Variants in DLGAP2 observed in about 807,000 individuals in gnomAD.
DLGAP2 encodes the protein disks large-associated protein 2.
In DLGAP2, 26 loss-of-function variants were observed where a neutral mutation model predicts 100.3. The observed-to-expected ratio is 0.26, with a 90% CI of 0.19 to 0.36. The LOEUF (loss-of-function observed/expected upper bound fraction) is 0.36, where lower values mean the gene tolerates loss of function less well. Ranked by LOEUF, DLGAP2 falls within the 10% of genes least tolerant of loss-of-function variation. The pLI is 1.00. For synonymous variants in DLGAP2, 886 were observed against 630.1 expected (o/e 1.41, Z -6.08); for missense variants, 1,858 against 1,453.2 (o/e 1.28, Z -4.53).
intron 6 of DLGAP2, among the ~76,000 whole-genome samples, chr8:1,568,137 T>A (rs1206791871): frequency 2.1e-5 from 3 of 143,350 alleles, no homozygotes; most frequent in African/African-American, 8.0e-5. Context: ...CAGACACAAA[T>A]CCACTCTGCC....
chr8:1,362,143 C>G (rs531757993), intron 3 of DLGAP2, among the ~76,000 whole-genome samples: 1 of 152,280 alleles, frequency 6.6e-6, no homozygotes, highest in South Asian at 2.1e-4. Flanking sequence ...TCTGAGCCTT[C>G]TGAGGCATCC....
At chr8:1,066,351 G>A (rs114820269) in intron 2 of DLGAP2, among the ~76,000 whole-genome samples, 4 of 150,022 alleles carry the variant, frequency 2.7e-5, no homozygotes, top group African/African-American at 9.9e-5. Context: ...TCCTCACCAC[G>A]GTCAGGTCTG....
chr8:1,460,133 C>T (rs1466158200), intron 3 of DLGAP2, among the ~76,000 whole-genome samples: 3 of 152,158 alleles, frequency 2.0e-5, no homozygotes, highest in African/African-American at 7.2e-5. Flanking sequence ...TCTGCGGCCC[C>T]GGGCTTCTGT....
intron 2 of DLGAP2, among the ~76,000 whole-genome samples, chr8:1,215,232 A>G (rs1798190250): frequency 6.6e-6 from 1 of 152,228 alleles, no homozygotes. Flanking sequence ...AAGATAAAGA[A>G]TTTGTGAGTA....
chr8:1,147,249 T>C (rs1796624654), intron 2 of DLGAP2, among the ~76,000 whole-genome samples: 1 of 152,168 alleles, frequency 6.6e-6, no homozygotes, highest in African/African-American at 2.4e-5. Context: ...TTGTAAACTT[T>C]ATGTGCGTCA....
chr8:1,314,723 G>A lies in DLGAP2; in HGVS notation c.106+55840G>A, dbSNP rs1335446087. Among the ~76,000 whole-genome samples the A allele has an allele frequency of 2.0e-5, 3 of 152,210 alleles. 1 individual carries two copies. Among genetic ancestry groups the A allele is most frequent in the Admixed American group, 2.0e-4 (3 of 15,284 alleles). Reference sequence around the variant, plus strand: ...CCACCCCTATCCGCCTCCTGCTCCGGAGGTCGAGGACTTTCGGGGGTCTCC... The same window carrying A: ...CCACCCCTATCCGCCTCCTGCTCCGAAGGTCGAGGACTTTCGGGGGTCTCC... On this transcript the variant is annotated intron_variant, in intron 3 of 14. Transcript: ENST00000637795.
chr8:1,041,698 G>A (rs1249228094), intron 2 of DLGAP2, among the ~76,000 whole-genome samples: 1 of 98,128 alleles, frequency 1.0e-5, no homozygotes. Context: ...TGTTCTCCGA[G>A]CCCCTTGCCG....
At chr8:895,058 G>C (rs536376365) in intron 1 of DLGAP2, among the ~76,000 whole-genome samples, 17 of 150,622 alleles carry the variant, frequency 1.1e-4, no homozygotes, top group Admixed American at 9.3e-4. Flanking sequence ...GGTGGGTGTG[G>C]GGAGTCAGCT....
At chr8:1,521,838 A>G (rs540399206) in intron 4 of DLGAP2, among the ~76,000 whole-genome samples, 45 of 133,944 alleles carry the variant, frequency 3.4e-4, no homozygotes, top group African/African-American at 1.3e-3. Context: ...AATTTGGAAT[A>G]CTCGGGGGCA....
chr8:1,316,703 T>C (rs71516186), intron 3 of DLGAP2, among the ~76,000 whole-genome samples: 18,144 of 127,144 alleles, frequency 0.14, 1,940 homozygotes, highest in East Asian at 0.21. Context: ...GTGAGTGCAG[T>C]GTCTATCCCA....
At chr8:986,146 C>A (rs1404135709) in intron 2 of DLGAP2, among the ~76,000 whole-genome samples, 2 of 151,870 alleles carry the variant, frequency 1.3e-5, no homozygotes, top group African/African-American at 4.8e-5. Flanking sequence ...TCATAGCTCA[C>A]TTATTAGTAG....
intron 3 of DLGAP2, among the ~76,000 whole-genome samples, chr8:1,303,686 G>A (rs1047624957): frequency 5.3e-5 from 8 of 152,134 alleles, no homozygotes; most frequent in African/African-American, 1.9e-4. Flanking sequence ...GAAGCCCTAA[G>A]GCCCAGGGTC....
At chr8:940,593 A>G (rs1799173161) in intron 2 of DLGAP2, among the ~76,000 whole-genome samples, 1 of 152,114 alleles carries the variant, frequency 6.6e-6, no homozygotes, top group Non-Finnish European at 1.5e-5. Context: ...GGCTCTGGCA[A>G]CAGCTGGGGA....
At chr8:1,227,644 C>T (rs539948194) in intron 2 of DLGAP2, among the ~76,000 whole-genome samples, 120 of 151,866 alleles carry the variant, frequency 7.9e-4, no homozygotes, top group African/African-American at 2.8e-3. Context: ...ACCTGGAGGC[C>T]GTTATGCTAA....
At chr8:1,011,185 C>T (rs367614232) in intron 2 of DLGAP2, among the ~76,000 whole-genome samples, 1 of 150,698 alleles carries the variant, frequency 6.6e-6, no homozygotes, top group African/African-American at 2.5e-5. Flanking sequence ...ACAGTGAGCC[C>T]TGGAATGAGG....
intron 3 of DLGAP2, among the ~76,000 whole-genome samples, chr8:1,363,371 T>C (rs1260155991): frequency 1.3e-5 from 2 of 151,856 alleles, no homozygotes; most frequent in African/African-American, 2.4e-5. Flanking sequence ...CGGTCCCACG[T>C]CCGTGGCACA....
chr8:1,039,781 G>T (rs1417306134), intron 2 of DLGAP2, among the ~76,000 whole-genome samples: 8 of 142,738 alleles, frequency 5.6e-5, no homozygotes, highest in Non-Finnish European at 9.1e-5. Context: ...TGGTTGGCTC[G>T]GTATGCATGT....
intron 4 of DLGAP2, among the ~76,000 whole-genome samples, chr8:1,510,950 C>G (rs143679723): frequency 2.0e-5 from 3 of 152,202 alleles, no homozygotes; most frequent in African/African-American, 7.2e-5. Context: ...ATCAATCTGG[C>G]ACATCTCCCT....
intron 2 of DLGAP2, among the ~76,000 whole-genome samples, chr8:958,225 A>T (rs1799639499): frequency 6.6e-6 from 1 of 152,112 alleles, no homozygotes; most frequent in Admixed American, 6.5e-5. Flanking sequence ...GCATTCCTTT[A>T]TATGTCTGAA....
Sources: gnomAD v4.1 joint callset for allele counts (sites outside exome capture counted in the v4.1 genomes callset) on GRCh38, gnomAD v4.1.1 for gene constraint, MANE v1.5 for transcripts, NCBI Gene and HGNC (gene_info 2026-07-23, HGNC 2026-07-21) for gene names.